MRPS18C: variants seen among roughly 807,000 people sequenced by gnomAD.
MRPS18C encodes the protein small ribosomal subunit protein bS18m.
In MRPS18C, 21 loss-of-function variants were observed where a neutral mutation model predicts 21.0. The observed-to-expected ratio is 1.00, with a 90% CI of 0.71 to 1.44. MRPS18C has a LOEUF of 1.44. MRPS18C is among the 40% of genes most tolerant of loss of function. MRPS18C has a pLI of 0.00. For missense variants in MRPS18C, 152 were observed against 171.5 expected (o/e 0.89, Z 0.64); for synonymous variants, 65 against 54.3 (o/e 1.20, Z -0.87).
intron 3 of MRPS18C, chr4:83,458,675 AGC>A: frequency 2.9e-6 from 1 of 344,778 alleles, no homozygotes. Flanking sequence ...ACATCTTAAT[AGC>A]TCCCTGTGGC....
In MRPS18C at chr4:83,456,854, T is replaced by C. The variant is rs1721850748; in HGVS notation, c.101-55T>C. ...CTGTCTCCATAAAAACAAAAATCTTTAGCTATTCAGCTAAGAAAAAGAAAT... is the reference window on the plus strand; with the variant it reads ...CTGTCTCCATAAAAACAAAAATCTTCAGCTATTCAGCTAAGAAAAAGAAAT... On this transcript the variant is annotated intron_variant, in intron 1 of 5. Transcript: ENST00000295491. The C allele has an allele frequency of 5.7e-6, 9 of 1,573,776 alleles. No individual in the cohort carries two copies. In the Admixed American group the frequency reaches 7.3e-5, roughly 13 times the overall value.
chr4:83,459,542 T>C, intron 3 of MRPS18C, 198 bp from the exon 4 acceptor site: 1 of 521,152 alleles, frequency 1.9e-6, no homozygotes, highest in Non-Finnish European at 3.4e-6. Flanking sequence ...TGTTTAATTA[T>C]ATATAGACTT....
intron 3 of MRPS18C, chr4:83,459,499 T>C (rs112494315): frequency 1.1e-4 from 43 of 373,940 alleles, no homozygotes; most frequent in African/African-American, 8.2e-4. Context: ...AGAAAACAGA[T>C]TTACCATTGA....
chr4:83,456,269 C>G, intron 1 of MRPS18C, 92 bp downstream of exon 1: 1 of 1,120,756 alleles, frequency 8.9e-7, no homozygotes, highest in East Asian at 2.4e-5. Context: ...CAAAACGACT[C>G]TGGTTTCTAG....
intron 4 of MRPS18C, chr4:83,460,142 G>C (rs1281501624): frequency 1.2e-5 from 2 of 165,170 alleles, no homozygotes; most frequent in Non-Finnish European, 2.5e-5. Flanking sequence ...TCTTGATTAG[G>C]TTCATCATAT....
Position 83,459,749 on chromosome 4 carries a change from C to T in MRPS18C, c.244C>T (p.Gln82Ter), listed in dbSNP as rs1446599780. Reference sequence around the variant, plus strand: ...TAAAACTCCAAAACAGCTTTTGTCCCAGTTTGTTTCTCCATTTACTGGATG... The same window carrying T: ...TAAAACTCCAAAACAGCTTTTGTCCTAGTTTGTTTCTCCATTTACTGGATG... Reference protein sequence around the residue: ...VDYKNVQLLSQFVSPFTGCIY... With the variant: ...VDYKNVQLLS Residue 82 changes from glutamine to a stop codon, truncating the protein, a stop_gained, in exon 4 of 6, where the codon CAG becomes TAG. Coordinates refer to ENST00000295491, the MANE Select transcript of MRPS18C (RefSeq NM_016067.4). LOFTEE classifies it high-confidence loss of function. 1.2e-6 allele frequency: 2 copies of T among 1,609,632 alleles called. No homozygotes were observed. The highest frequency in any genetic ancestry group is 1.7e-6 in the Non-Finnish European group (2 of 1,177,964).
Position 83,456,921 on chromosome 4 carries a change from G to C in MRPS18C, c.113G>C (p.Arg38Thr), listed in dbSNP as rs1721856707. 1 of 1,612,510 alleles carries C rather than the reference G, an allele frequency of 6.2e-7. No individual in the cohort carries two copies. Among genetic ancestry groups the C allele is most frequent in the Non-Finnish European group, 8.5e-7 (1 of 1,179,840 alleles). The part of the protein sequence containing the change: ...HPGTHTVLWR[R>T]GCSQQVSSNE... Reference sequence around the variant, plus strand: ...TGTTTAATCGCAGTGCTTTGGAGAAGAGGTTGTTCACAACAGGTATCCAGC... The same window carrying C: ...TGTTTAATCGCAGTGCTTTGGAGAACAGGTTGTTCACAACAGGTATCCAGC... The change falls in exon 2 of 6, where the codon AGA (arginine) becomes ACA (threonine). Residue 38 changes from arginine (R) to threonine (T), a missense_variant. By Grantham distance (71) the Arg-to-Thr change is moderately conservative. Coordinates refer to ENST00000295491, the MANE Select transcript of MRPS18C (RefSeq NM_016067.4).
At position 83,461,900 on chromosome 4, in the gene MRPS18C, ATGT is replaced by A. The variant is rs1213035528; in HGVS notation, c.*705_*707del. Reference sequence around the variant, plus strand: ...GTAGGACAAATTTAAATTTTAGATGATGTTTTGCAAATTTATTGCATGATATCC... The same window carrying A: ...GTAGGACAAATTTAAATTTTAGATGATTTGCAAATTTATTGCATGATATCC... On this transcript the variant is annotated 3_prime_UTR_variant, in exon 6 of 6. Transcript: ENST00000295491. 4.8e-5 allele frequency: 11 copies of A among 229,032 alleles called. No individual in the cohort carries two copies. The highest frequency in any genetic ancestry group is 7.8e-5 in the Non-Finnish European group (9 of 115,656). The allele number at this position is 229,032 out of a possible 1,614,324, so 14.2% of individuals were successfully genotyped here. A position where few individuals can be genotyped will look rare whatever the true frequency, so the allele number is the denominator to read the frequency against.
intron 3 of MRPS18C, chr4:83,458,753 A>G (rs1239614134): frequency 4.4e-6 from 1 of 224,724 alleles, no homozygotes; most frequent in African/African-American, 2.3e-5. Context: ...TGATCTCTTT[A>G]TCTCACCACC....
In MRPS18C at chr4:83,461,222, AC is replaced by A; in HGVS notation, c.*26del. 1 of 1,597,510 alleles carries A rather than the reference AC, an allele frequency of 6.3e-7. No homozygotes were observed. The highest frequency in any genetic ancestry group is 8.6e-7 in the Non-Finnish European group (1 of 1,167,068). The stretch of plus-strand genomic sequence containing the variant: ...AATTCTATCACGTTACCACTAATAA[AC>A]TTATTTTACAGTAAGTGGTTGTATG... On this transcript the variant is annotated 3_prime_UTR_variant, in exon 6 of 6. Transcript: ENST00000295491.
intron 1 of MRPS18C, among the ~76,000 whole-genome samples, chr4:83,456,563 CG>C (rs1721832717): frequency 6.6e-6 from 1 of 152,072 alleles, no homozygotes; most frequent in Admixed American, 6.5e-5. Context: ...CTTTCTGGGA[CG>C]GGTCTGTTAC....
In MRPS18C at chr4:83,460,606, C is replaced by T. The variant is rs568553937; in HGVS notation, c.293-367C>T. The T allele has an allele frequency of 3.1e-4, 68 of 216,072 alleles. 1 individual carries two copies. The highest frequency in any genetic ancestry group is 3.1e-3 in the South Asian group (46 of 14,910). The allele number at this position is 216,072 out of a possible 1,614,324, so 13.4% of individuals were successfully genotyped here. ...ACAAAAATGATTTACCAATCCTTGA[C>T]TTAAAAACTTGTTGAGGCTGGGCAT... On this transcript the variant is annotated intron_variant, in intron 4 of 5. Transcript: ENST00000295491.
At position 83,461,397 on chromosome 4, in the gene MRPS18C, A is replaced by G. The variant is rs77519137; in HGVS notation, c.*200A>G. On this transcript the variant is annotated 3_prime_UTR_variant, in exon 6 of 6. Coordinates refer to ENST00000295491, the MANE Select transcript of MRPS18C (RefSeq NM_016067.4). ...CATCACATTTTATCTATGTTGAATA[A>G]AAGTGGTTCTGTGTGATTGTCATTT... 0.09 allele frequency: 49,340 copies of G among 546,816 alleles called. 2,764 individuals are homozygous for G. Among genetic ancestry groups the G allele is most frequent in the Middle Eastern group, 0.16 (316 of 1,974 alleles). The allele number at this position is 546,816 out of a possible 1,614,324, so 33.9% of individuals were successfully genotyped here.
Position 83,456,152 on chromosome 4 carries a change from C to T in MRPS18C, c.75C>T (p.Ser25=). ...KLTHLVTAAV[S]LTHPGTHTVL... is the part of the protein sequence containing the mutation. ...CACACTTGGTAACGGCTGCTGTCAG[C>T]CTTACACATCCCGGGACTCACACGG... The change falls in exon 1 of 6, where the codon AGC becomes AGT. Residue 25 remains serine, a synonymous_variant. Coordinates refer to ENST00000295491, the MANE Select transcript of MRPS18C (RefSeq NM_016067.4). The T allele has an allele frequency of 1.9e-6, 3 of 1,613,866 alleles. No individual in the cohort carries two copies. Among genetic ancestry groups the T allele is most frequent in the South Asian group, 1.1e-5 (1 of 91,074 alleles).
At chr4:83,456,607 C>A (rs1721835932) in intron 1 of MRPS18C, among the ~76,000 whole-genome samples, 1 of 152,122 alleles carries the variant, frequency 6.6e-6, no homozygotes, top group South Asian at 2.1e-4. Context: ...CTTTCTGTTG[C>A]TTCTCCTATA....
rs904602514 is a variant in MRPS18C at position 83,459,655 on chromosome 4, C to G, written c.235-85C>G. 4 of 1,194,642 alleles carry G rather than the reference C, an allele frequency of 3.3e-6. No homozygotes were observed. The Admixed American group carries it at 6.1e-5, about 18-fold the overall frequency. 74.0% of individuals were successfully genotyped at this position (1,194,642 alleles called of 1,614,324 possible). On this transcript the variant is annotated intron_variant, in intron 3 of 5. Transcript: ENST00000295491. ...TGAAATTTAGTAAAGCTTTATATAA[C>G]CTGAAGGTTGTTTTTTGAAATTTAC...
chr4:83,456,862 C>T (rs1490748844), intron 1 of MRPS18C, 47 bp from the exon 2 acceptor site: 1 of 1,583,950 alleles, frequency 6.3e-7, no homozygotes, highest in Non-Finnish European at 8.6e-7. Flanking sequence ...TTTAGCTATT[C>T]AGCTAAGAAA....
Position 83,461,645 on chromosome 4 carries a change from G to T in MRPS18C, c.*448G>T. 1 of 269,870 alleles carries T rather than the reference G, an allele frequency of 3.7e-6. No homozygotes were observed. Among genetic ancestry groups the T allele is most frequent in the South Asian group, 9.6e-5 (1 of 10,412 alleles). The allele number at this position is 269,870 out of a possible 1,614,324, so 16.7% of individuals were successfully genotyped here. The stretch of plus-strand genomic sequence containing the variant: ...AGTAGTGTCTTTTACATGAAGAGAT[G>T]ATTTACACCTAATAGACATTGAATA... On this transcript the variant is annotated 3_prime_UTR_variant, in exon 6 of 6. Transcript: ENST00000295491.
chr4:83,456,603 G>A lies in MRPS18C; in HGVS notation c.101-306G>A, dbSNP rs1423147486. ...CTTTTTGGTATGACAGTGCCTTTCT[G>A]TTGCTTCTCCTATAAGAATTTGCAT... On this transcript the variant is annotated intron_variant, in intron 1 of 5. Coordinates refer to ENST00000295491, the MANE Select transcript of MRPS18C (RefSeq NM_016067.4). Among the ~76,000 whole-genome samples, 5 of 152,212 alleles carry A rather than the reference G, an allele frequency of 3.3e-5. No homozygotes were observed. In the East Asian group the frequency reaches 9.6e-4, roughly 29 times the overall value.
Sources: gnomAD v4.1 joint callset for allele counts (sites outside exome capture counted in the v4.1 genomes callset) on GRCh38, gnomAD v4.1.1 for gene constraint, MANE v1.5 for transcripts, NCBI Gene and HGNC (gene_info 2026-07-23, HGNC 2026-07-21) for gene names.